The following RAVER2 variants were observed in gnomAD, a reference collection of about 807,000 sequenced individuals.
RAVER2 encodes ribonucleoprotein, PTB binding 2, also known as ribonucleoprotein PTB-binding 2.
A neutral mutation model predicts 78.1 loss-of-function variants in RAVER2; 46 were observed. The observed-to-expected ratio is 0.59, with a 90% CI of 0.46 to 0.75. The LOEUF (loss-of-function observed/expected upper bound fraction) is 0.75. Ranked by LOEUF, RAVER2 falls within the 30% of genes least tolerant of loss-of-function variation. The pLI, the probability that RAVER2 is intolerant of heterozygous loss-of-function variation, is 0.00. For missense variants in RAVER2, 793 were observed against 837.5 expected (o/e 0.95, Z 0.66); for synonymous variants, 311 against 313.3 (o/e 0.99, Z 0.08).
intron 3 of RAVER2, among the ~76,000 whole-genome samples, chr1:64,780,321 A>T (rs950201728): frequency 6.6e-6 from 1 of 152,200 alleles, no homozygotes; most frequent in Admixed American, 6.5e-5. Flanking sequence ...TGTTTAGAAG[A>T]GGTAGATGTT....
exon 4 of RAVER2, chr1:64,781,522 G>C (rs1284292465): frequency 6.2e-7 from 1 of 1,614,024 alleles, no homozygotes; most frequent in Non-Finnish European, 8.5e-7. Context: ...TGTGCTCCTG[G>C]AGCGCCAGGG....
chr1:64,820,991 C>T (rs181112522), intron 11 of RAVER2, among the ~76,000 whole-genome samples: 7 of 152,258 alleles, frequency 4.6e-5, no homozygotes, highest in Middle Eastern at 6.8e-3. Flanking sequence ...CACTACTTGC[C>T]GCAATGGTTG....
chr1:64,828,917 T>C (rs941689662), intron 11 of RAVER2, among the ~76,000 whole-genome samples: 1 of 152,242 alleles, frequency 6.6e-6, no homozygotes, highest in Non-Finnish European at 1.5e-5. Context: ...GGTGTAATCA[T>C]ACCATGTCTG....
At chr1:64,791,378 C>A (rs1197231451) in intron 5 of RAVER2, among the ~76,000 whole-genome samples, 1 of 152,186 alleles carries the variant, frequency 6.6e-6, no homozygotes, top group Non-Finnish European at 1.5e-5. Context: ...ATGCAAAGCT[C>A]CACCTCTCCT....
At chr1:64,809,309 CT>C in intron 9 of RAVER2, among the ~76,000 whole-genome samples, 1 of 152,102 alleles carries the variant, frequency 6.6e-6, no homozygotes, top group East Asian at 1.9e-4. Context: ...GAAATGATCC[CT>C]CTTTCTGTCA....
intron 3 of RAVER2, among the ~76,000 whole-genome samples, chr1:64,780,096 G>A (rs1429502561): frequency 1.3e-5 from 2 of 152,054 alleles, no homozygotes; most frequent in South Asian, 4.1e-4. Flanking sequence ...AAATTTTTAA[G>A]TTTTCAAAAG....
intron 4 of RAVER2, 98 bp from the exon 5 acceptor site, chr1:64,789,290 T>A: frequency 9.8e-7 from 1 of 1,017,756 alleles, no homozygotes; most frequent in Non-Finnish European, 1.3e-6. Flanking sequence ...ATAAAATAGA[T>A]CTTGTCAGAT....
chr1:64,780,243 A>G (rs1652591983), intron 3 of RAVER2, among the ~76,000 whole-genome samples: 1 of 152,200 alleles, frequency 6.6e-6, no homozygotes, highest in Admixed American at 6.5e-5. Flanking sequence ...ATGATTAATT[A>G]GTGGCTTTTA....
intron 2 of RAVER2, among the ~76,000 whole-genome samples, chr1:64,770,932 G>A (rs764616194): frequency 2.6e-4 from 39 of 151,928 alleles, no homozygotes; most frequent in Non-Finnish European, 2.4e-4. Context: ...CAGAGTATCA[G>A]TGAACTGTGG....
exon 10 of RAVER2, chr1:64,812,823 G>T (rs776257852): frequency 6.2e-7 from 1 of 1,611,658 alleles, no homozygotes; most frequent in African/African-American, 1.3e-5. Context: ...AATTTGGCAA[G>T]TGTGTTGCCC....
intron 5 of RAVER2, among the ~76,000 whole-genome samples, chr1:64,800,404 T>C (rs1253381351): frequency 6.6e-6 from 1 of 152,174 alleles, no homozygotes; most frequent in Non-Finnish European, 1.5e-5. Context: ...TTTCTTCCAG[T>C]AGTTGTGCAA....
chr1:64,751,075 C>G (rs1651684494), intron 1 of RAVER2, among the ~76,000 whole-genome samples: 1 of 152,226 alleles, frequency 6.6e-6, no homozygotes, highest in South Asian at 2.1e-4. Flanking sequence ...TTGTGGTTAG[C>G]ATCAAAATGC....
rs1473664187 is a variant in RAVER2 at position 64,789,359 on chromosome 1, A to G, written c.979-29A>G. The G allele has an allele frequency of 3.2e-6, 5 of 1,559,304 alleles. No individual in the cohort carries two copies. The Admixed American group carries it at 9.3e-5, about 29-fold the overall frequency. ...TGTGTCTTTGTACTTATGCTGTTCT[A>G]ATGTTTCTTATTTCTATATTCATTG... On this transcript the variant is annotated intron_variant, in intron 4 of 11. Transcript: ENST00000294428.
chr1:64,781,484 C>G (rs375188201), exon 4 of RAVER2: 19 of 1,613,994 alleles, frequency 1.2e-5, no homozygotes, highest in Non-Finnish European at 1.5e-5. Flanking sequence ...GTATGACCAT[C>G]AAGGGCAGCA....
chr1:64,826,026 C>T (rs1391564751), intron 11 of RAVER2, among the ~76,000 whole-genome samples: 1 of 152,196 alleles, frequency 6.6e-6, no homozygotes, highest in Non-Finnish European at 1.5e-5. Context: ...TAGTAGATTA[C>T]GGTGTTCAGT....
intron 5 of RAVER2, among the ~76,000 whole-genome samples, chr1:64,793,872 A>G (rs764858805): frequency 1.3e-5 from 2 of 152,176 alleles, no homozygotes; most frequent in South Asian, 2.1e-4. Context: ...ACGTTGTTAC[A>G]TGGCTTAGTA....
intron 11 of RAVER2, chr1:64,816,097 T>G (rs1345927984): frequency 6.6e-6 from 1 of 152,252 alleles, no homozygotes; most frequent in Non-Finnish European, 1.5e-5. Flanking sequence ...AATAAATTTT[T>G]TAAAAATTCA....
At chr1:64,798,873 T>G (rs1653177838) in intron 5 of RAVER2, among the ~76,000 whole-genome samples, 1 of 152,300 alleles carries the variant, frequency 6.6e-6, no homozygotes, top group East Asian at 1.9e-4. Flanking sequence ...TAATCTGTAA[T>G]AATCAAATGA....
chr1:64,818,452 C>T (rs995633611), intron 11 of RAVER2, among the ~76,000 whole-genome samples: 7 of 152,038 alleles, frequency 4.6e-5, no homozygotes, highest in African/African-American at 1.2e-4. Flanking sequence ...AGGAGAATGG[C>T]GTGAACCCAG....
Sources: gnomAD v4.1 joint callset for allele counts (sites outside exome capture counted in the v4.1 genomes callset) on GRCh38, gnomAD v4.1.1 for gene constraint, MANE v1.5 for transcripts, NCBI Gene and HGNC (gene_info 2026-07-23, HGNC 2026-07-21) for gene names.